Variants in PVT1 observed in about 807,000 individuals in gnomAD.
PVT1 encodes Pvt1 oncogene.
At chr8:127,959,455 C>A (rs982989307) in intron 3 of PVT1, among the ~76,000 whole-genome samples, 1 of 151,924 alleles carries the variant, frequency 6.6e-6, no homozygotes, top group Non-Finnish European at 1.5e-5. Context: ...CGTGGTGGCA[C>A]GTGCCTATAG....
rs902742670 is a variant in PVT1, at chr8:127,841,906, A to G, written n.372+45835A>G. ...ACCCCCAGCTAATTTCTGTCTTTTT[A>G]GTAGAGACGGGGTTTCACCGTGTTG... is the stretch of plus-strand genomic sequence containing the variant. On this transcript the variant is annotated intron_variant and non_coding_transcript_variant, in intron 2 of 10. Transcript: ENST00000651587. Among the ~76,000 whole-genome samples, 13 of 151,984 alleles carry G rather than the reference A, an allele frequency of 8.6e-5. No individual in the cohort carries two copies. The East Asian group carries it at 2.5e-3, about 30-fold the overall frequency.
chr8:127,994,165 T>G (rs1419743272), intron 4 of PVT1, among the ~76,000 whole-genome samples: 1 of 152,222 alleles, frequency 6.6e-6, no homozygotes, highest in East Asian at 1.9e-4. Context: ...ACCATTGTCC[T>G]CTGCCCACTC....
At chr8:127,914,241 ACACCAC>A (rs1392710261) in intron 3 of PVT1, among the ~76,000 whole-genome samples, 2 of 137,068 alleles carry the variant, frequency 1.5e-5, no homozygotes, top group African/African-American at 5.5e-5. Flanking sequence ...CTGTAATTAA[ACACCAC>A]CACCACCAAC....
rs922664520 is a variant in PVT1, at chr8:127,800,212, G to A, written n.372+4141G>A. Among the ~76,000 whole-genome samples the A allele has an allele frequency of 4.0e-5, 6 of 151,840 alleles. No individual in the cohort carries two copies. In the East Asian group the frequency reaches 7.7e-4, roughly 19 times the overall value. On this transcript the variant is annotated intron_variant and non_coding_transcript_variant, in intron 2 of 10. Transcript: ENST00000651587. The stretch of plus-strand genomic sequence containing the variant: ...TTCTTCAGGGCTCTTTTTTTTTCTG[G>A]TGCATTAGCCCTAACATTGACTACT...
At chr8:127,908,850 C>G (rs896729226) in intron 3 of PVT1, among the ~76,000 whole-genome samples, 1 of 152,170 alleles carries the variant, frequency 6.6e-6, no homozygotes, top group Non-Finnish European at 1.5e-5. Context: ...AGGCAGCCAT[C>G]ATCACCAGTC....
At chr8:128,017,938 C>G (rs756512289) in intron 4 of PVT1, among the ~76,000 whole-genome samples, 2 of 152,208 alleles carry the variant, frequency 1.3e-5, no homozygotes, top group African/African-American at 4.8e-5. Flanking sequence ...GCCAGCACAT[C>G]TTACCCTCCT....
At chr8:128,078,436 G>A (rs571275142) in intron 5 of PVT1, among the ~76,000 whole-genome samples, 11 of 152,188 alleles carry the variant, frequency 7.2e-5, no homozygotes, top group Non-Finnish European at 1.3e-4. Flanking sequence ...TTACTTGCTT[G>A]TAAGCAACCC....
intron 4 of PVT1, among the ~76,000 whole-genome samples, chr8:127,990,677 G>A (rs1817022362): frequency 6.6e-6 from 1 of 152,238 alleles, no homozygotes; most frequent in Non-Finnish European, 1.5e-5. Flanking sequence ...TGCTACATAT[G>A]TCATCTTCAT....
intron 3 of PVT1, among the ~76,000 whole-genome samples, chr8:127,936,985 G>A (rs1025765144): frequency 1.3e-5 from 2 of 152,212 alleles, no homozygotes; most frequent in African/African-American, 4.8e-5. Context: ...ATACAGGAAA[G>A]GATTTGTAAA....
chr8:127,863,589 T>C (rs540728132), intron 2 of PVT1, among the ~76,000 whole-genome samples: 1 of 152,360 alleles, frequency 6.6e-6, no homozygotes, highest in South Asian at 2.1e-4. Flanking sequence ...GGACTTCTCC[T>C]TTGTTGCACC....
chr8:128,075,519 A>G (rs1814076172), intron 5 of PVT1, among the ~76,000 whole-genome samples: 2 of 152,204 alleles, frequency 1.3e-5, no homozygotes, highest in Admixed American at 6.5e-5. Context: ...AAAATTTTCC[A>G]CAAAAGGCCA....
At chr8:127,856,569 G>C (rs182570608) in intron 2 of PVT1, among the ~76,000 whole-genome samples, 7 of 152,126 alleles carry the variant, frequency 4.6e-5, no homozygotes, top group Admixed American at 4.6e-4. Flanking sequence ...TCGAACTCCC[G>C]ACCTCAGGTG....
intron 2 of PVT1, among the ~76,000 whole-genome samples, chr8:127,839,574 GAAAA>G (rs61194690): frequency 7.4e-6 from 1 of 134,376 alleles, no homozygotes; most frequent in African/African-American, 2.7e-5. Flanking sequence ...AAAAAAAAAT[GAAAA>G]AAAAAATAAA....
chr8:127,880,086 G>T (rs560077167), intron 2 of PVT1, among the ~76,000 whole-genome samples: 63 of 151,848 alleles, frequency 4.1e-4, no homozygotes, highest in African/African-American at 1.5e-3. Context: ...CTGCCAGCCC[G>T]CCAGGGCAAC....
intron 2 of PVT1, among the ~76,000 whole-genome samples, chr8:127,839,306 G>A (rs1182171497): frequency 6.6e-6 from 1 of 152,066 alleles, no homozygotes; most frequent in Non-Finnish European, 1.5e-5. Flanking sequence ...CAGCACTTTG[G>A]GAGTCCAAGG....
intron 4 of PVT1, among the ~76,000 whole-genome samples, chr8:128,052,675 T>C (rs191571633): frequency 1.1e-4 from 17 of 152,350 alleles, no homozygotes; most frequent in Admixed American, 7.2e-4. Context: ...CTTCACTAGA[T>C]TGGGATCCTG....
chr8:127,996,405 G>A (rs1457193330), intron 4 of PVT1, among the ~76,000 whole-genome samples: 1 of 151,434 alleles, frequency 6.6e-6, no homozygotes, highest in African/African-American at 2.4e-5. Flanking sequence ...GTTTCAATGG[G>A]GGCATACCCA....
chr8:127,942,454 T>A (rs1816364910), intron 3 of PVT1, among the ~76,000 whole-genome samples: 1 of 152,074 alleles, frequency 6.6e-6, no homozygotes, highest in Non-Finnish European at 1.5e-5. Flanking sequence ...AGCACCTAAT[T>A]TACATCTTCA....
chr8:127,970,604 G>GT (rs1485871699), intron 3 of PVT1, among the ~76,000 whole-genome samples: 2 of 151,982 alleles, frequency 1.3e-5, no homozygotes, highest in Admixed American at 6.6e-5. Flanking sequence ...CAGCCGACTT[G>GT]TTTTTTTACT....
Sources: allele counts gnomAD v4.1 joint callset (sites outside exome capture counted in the v4.1 genomes callset), GRCh38; gene constraint gnomAD v4.1.1; transcripts MANE v1.5; gene names NCBI Gene and HGNC (gene_info 2026-07-23, HGNC 2026-07-21).